The following GSG1L variants were observed in gnomAD, a reference collection of about 807,000 sequenced individuals.
GSG1L encodes the protein germ cell-specific gene 1-like protein.
GSG1L carries 24 observed loss-of-function variants against 42.1 expected under a neutral mutation model. The ratio of observed to expected loss-of-function variants is 0.57; its 90% CI spans 0.41 to 0.80. The LOEUF (loss-of-function observed/expected upper bound fraction) is 0.80. Among genes scored for constraint, GSG1L ranks in the 30% least tolerant of loss-of-function variants. The pLI, the probability that GSG1L is intolerant of heterozygous loss-of-function variation, is 0.00. For missense variants in GSG1L, 445 were observed against 472.2 expected, an observed-to-expected ratio of 0.94 and a Z score of 0.53; for synonymous variants, 215 against 203.5, an observed-to-expected ratio of 1.06 and a Z score of -0.48.
At chr16:28,051,495 G>C (rs1372441100) in intron 1 of GSG1L, among the ~76,000 whole-genome samples, 1 of 150,916 alleles carries the variant, frequency 6.6e-6, no homozygotes, top group Non-Finnish European at 1.5e-5. Flanking sequence ...ATGTCAGGTA[G>C]GGGGAAGTGT....
intron 2 of GSG1L, among the ~76,000 whole-genome samples, chr16:27,899,525 T>A (rs2084232442): frequency 6.6e-6 from 1 of 152,168 alleles, no homozygotes; most frequent in Admixed American, 6.5e-5. Flanking sequence ...AAGGCCAGCC[T>A]GGGCAACACA....
chr16:28,014,092 C>T (rs1379787661), intron 1 of GSG1L, among the ~76,000 whole-genome samples: 3 of 152,240 alleles, frequency 2.0e-5, no homozygotes, highest in Admixed American at 2.0e-4. Flanking sequence ...CTCTTTGTTA[C>T]AGCAGCATAG....
At chr16:27,961,796 G>T (rs1257257976) in intron 2 of GSG1L, among the ~76,000 whole-genome samples, 1 of 152,146 alleles carries the variant, frequency 6.6e-6, no homozygotes, top group African/African-American at 2.4e-5. Context: ...TCAAAGAAAT[G>T]GAGGAGGCGG....
intron 5 of GSG1L, among the ~76,000 whole-genome samples, chr16:27,822,549 C>T (rs2083161874): frequency 6.6e-6 from 1 of 152,152 alleles, no homozygotes; most frequent in Non-Finnish European, 1.5e-5. Flanking sequence ...CCCTGAGTAA[C>T]TGGGACCACA....
intron 1 of GSG1L, among the ~76,000 whole-genome samples, chr16:27,987,715 G>A (rs1468804521): frequency 2.6e-5 from 4 of 152,158 alleles, no homozygotes; most frequent in East Asian, 3.9e-4. Flanking sequence ...TTGGGAGGCC[G>A]AGGCGGGCGG....
chr16:27,990,190 C>T (rs1275674169), intron 1 of GSG1L, among the ~76,000 whole-genome samples: 1 of 151,934 alleles, frequency 6.6e-6, no homozygotes, highest in Non-Finnish European at 1.5e-5. Flanking sequence ...ATTGTTGTTT[C>T]TTTTTATGTT....
intron 1 of GSG1L, among the ~76,000 whole-genome samples, chr16:27,997,014 G>A (rs569379983): frequency 2.6e-4 from 39 of 152,162 alleles, no homozygotes; most frequent in African/African-American, 8.9e-4. Flanking sequence ...CACCCACCTC[G>A]GCCTCCCAAA....
chr16:27,828,735 G>A, intron 5 of GSG1L, 54 bp downstream of exon 5: 1 of 1,555,462 alleles, frequency 6.4e-7, no homozygotes, highest in Non-Finnish European at 8.8e-7. Flanking sequence ...CTGAGGCCAG[G>A]CCGTGGGCTT....
chr16:27,916,486 C>CTTTTTTT (rs35176989), intron 2 of GSG1L, among the ~76,000 whole-genome samples: 1 of 114,858 alleles, frequency 8.7e-6, no homozygotes, highest in African/African-American at 3.1e-5. Context: ...ATTTTTAATC[C>CTTTTTTT]TTTTTTTTTT....
chr16:27,993,443 C>T (rs2085476130), intron 1 of GSG1L, among the ~76,000 whole-genome samples: 1 of 152,024 alleles, frequency 6.6e-6, no homozygotes, highest in East Asian at 1.9e-4. Context: ...GCCTAGAGTC[C>T]CCACTTTCAA....
At chr16:27,796,785 G>A (rs1366184948) in intron 6 of GSG1L, among the ~76,000 whole-genome samples, 1 of 152,100 alleles carries the variant, frequency 6.6e-6, no homozygotes, top group African/African-American at 2.4e-5. Context: ...CTTGCCCTTG[G>A]GATGAGACAA....
chr16:27,959,959 C>T (rs796158020), intron 2 of GSG1L, among the ~76,000 whole-genome samples: 13 of 151,910 alleles, frequency 8.6e-5, no homozygotes, highest in South Asian at 6.2e-4. Flanking sequence ...GTCAGGCAAA[C>T]GAAGAAAAAT....
At chr16:28,004,483 A>C (rs28457080) in intron 1 of GSG1L, among the ~76,000 whole-genome samples, 8,365 of 151,816 alleles carry the variant, frequency 0.055, 414 homozygotes, top group African/African-American at 0.12. Context: ...GGAAAAAAAA[A>C]AAAAAAGGAG....
At position 28,059,006 on chromosome 16, in the gene GSG1L, G is replaced by A. The variant is rs149441524; in HGVS notation, c.349+4070C>T. Among the ~76,000 whole-genome samples the A allele has an allele frequency of 3.3e-4, 50 of 152,318 alleles. No homozygotes were observed. The East Asian group carries it at 7.2e-3, about 22-fold the overall frequency. On this transcript the variant is annotated intron_variant, in intron 1 of 6. Coordinates refer to ENST00000447459, the MANE Select transcript of GSG1L (RefSeq NM_001109763.2). This position sits in a 1 kb window ranked among gnomAD's most constrained non-coding sequence, Gnocchi z 4.4. ...GGGGAGTGGGGGTGATGGCAGAGGC[G>A]GAGAGATGGCTGCAGAAGTCCATGG... is the stretch of plus-strand genomic sequence containing the variant.
chr16:27,836,404 C>T (rs1017099625), intron 4 of GSG1L, among the ~76,000 whole-genome samples: 2 of 151,734 alleles, frequency 1.3e-5, no homozygotes, highest in African/African-American at 4.8e-5. Flanking sequence ...ATGTCTTTTA[C>T]AGGATTTGGG....
chr16:28,007,619 C>T (rs541797645), intron 1 of GSG1L, among the ~76,000 whole-genome samples: 1 of 152,126 alleles, frequency 6.6e-6, no homozygotes, highest in African/African-American at 2.4e-5. Context: ...CTCAGGTGAT[C>T]CTGCCACCTC....
intron 2 of GSG1L, among the ~76,000 whole-genome samples, chr16:27,931,362 G>C (rs1418102625): frequency 6.6e-6 from 1 of 152,164 alleles, no homozygotes; most frequent in African/African-American, 2.4e-5. Flanking sequence ...TCATGCCGCT[G>C]CCTCCATCCC....
At chr16:27,856,314 CTATTT>C (rs978276531) in intron 3 of GSG1L, among the ~76,000 whole-genome samples, 3 of 152,100 alleles carry the variant, frequency 2.0e-5, no homozygotes, top group African/African-American at 7.2e-5. Context: ...GTTTTTGTTT[CTATTT>C]TATTTTATTT....
At chr16:28,046,060 C>A (rs908864364) in intron 1 of GSG1L, among the ~76,000 whole-genome samples, 1 of 152,110 alleles carries the variant, frequency 6.6e-6, no homozygotes, top group African/African-American at 2.4e-5. Context: ...ATGAAATTCT[C>A]TATTTTGAAG....
Sources: allele counts gnomAD v4.1 joint callset (sites outside exome capture counted in the v4.1 genomes callset), GRCh38; gene constraint gnomAD v4.1.1; non-coding constraint Gnocchi (gnomAD v3.1); transcripts MANE v1.5; gene names NCBI Gene and HGNC (gene_info 2026-07-23, HGNC 2026-07-21).